The following TGFBR3 variants were observed in gnomAD, a reference collection of about 807,000 sequenced individuals.
TGFBR3 encodes transforming growth factor beta receptor type 3.
In TGFBR3, 46 loss-of-function variants were observed where a neutral mutation model predicts 87.9. The ratio of observed to expected loss-of-function variants is 0.52; its 90% CI spans 0.41 to 0.67. TGFBR3 has a LOEUF of 0.67. TGFBR3 is among the 30% of genes least tolerant of loss of function. The pLI is 0.00. For missense variants in TGFBR3, 866 were observed against 1,041.9 expected (o/e 0.83, Z 2.32); for synonymous variants, 381 against 391.6 (o/e 0.97, Z 0.32).
At chr1:91,765,701 T>C (rs1168968094) in intron 3 of TGFBR3, among the ~76,000 whole-genome samples, 3 of 152,200 alleles carry the variant, frequency 2.0e-5, no homozygotes, top group Non-Finnish European at 4.4e-5. Flanking sequence ...TAAAAAACCT[T>C]TGGAGCGTGT....
chr1:91,900,992 C>T (rs377239227), intron 1 of TGFBR3, among the ~76,000 whole-genome samples: 108 of 152,278 alleles, frequency 7.1e-4, no homozygotes, highest in African/African-American at 2.6e-3. Context: ...TCTGGAATAC[C>T]TGGGACTATA....
chr1:91,746,144 G>A (rs542526525), intron 4 of TGFBR3, among the ~76,000 whole-genome samples: 1 of 152,240 alleles, frequency 6.6e-6, no homozygotes, highest in South Asian at 2.1e-4. Context: ...CTGAGATGCT[G>A]CCCTCCAAAC....
intron 2 of TGFBR3, among the ~76,000 whole-genome samples, chr1:91,813,537 A>T (rs1391383991): frequency 1.3e-5 from 2 of 152,150 alleles, no homozygotes; most frequent in East Asian, 3.9e-4. Context: ...TTTCCACTCT[A>T]GTTTCTCAAT....
At chr1:91,826,604 G>A (rs1676648061) in intron 2 of TGFBR3, among the ~76,000 whole-genome samples, 3 of 152,146 alleles carry the variant, frequency 2.0e-5, no homozygotes, top group African/African-American at 7.2e-5. Context: ...GGAGCAAACC[G>A]ATGGCTCCTG....
chr1:91,736,222 G>A (rs980177953), intron 4 of TGFBR3, among the ~76,000 whole-genome samples: 4 of 151,732 alleles, frequency 2.6e-5, no homozygotes, highest in African/African-American at 7.3e-5. Flanking sequence ...CCTGATGCCC[G>A]GGCCACACAG....
chr1:91,860,310 A>C (rs1367299686), intron 2 of TGFBR3, among the ~76,000 whole-genome samples: 1 of 152,204 alleles, frequency 6.6e-6, no homozygotes, highest in Admixed American at 6.5e-5. Flanking sequence ...TGCCCACTCA[A>C]TAGATGATCA....
intron 1 of TGFBR3, among the ~76,000 whole-genome samples, chr1:91,872,937 C>T (rs555500124): frequency 6.7e-6 from 1 of 150,286 alleles, no homozygotes; most frequent in Admixed American, 6.6e-5. Context: ...TCTCCTTCCC[C>T]GAGATTGATG....
At chr1:91,903,338 C>CAAAAAAAAAAA (rs58672104) in intron 1 of TGFBR3, among the ~76,000 whole-genome samples, 14 of 50,506 alleles carry the variant, frequency 2.8e-4, no homozygotes, top group African/African-American at 4.1e-4. Context: ...GATTCTGCCT[C>CAAAAAAAAAAA]AAAAAAAAAA....
intron 3 of TGFBR3, among the ~76,000 whole-genome samples, chr1:91,762,084 T>C (rs1415068491): frequency 2.0e-5 from 3 of 152,148 alleles, no homozygotes; most frequent in Non-Finnish European, 2.9e-5. Context: ...TAATAAGGAA[T>C]TGAACACTGG....
intron 14 of TGFBR3, among the ~76,000 whole-genome samples, chr1:91,701,752 G>A (rs535809554): frequency 7.2e-5 from 11 of 152,094 alleles, no homozygotes; most frequent in Admixed American, 2.0e-4. Context: ...GAAACAAGAC[G>A]TCCAACTGGT....
rs58335918 is a variant in TGFBR3 at position 91,871,042 on chromosome 1, CA to C, written c.-113-9399del. ...ACAGAGTGGGACTCTGCTCTGTCAC[CA>C]AAAAAAAAAAAAAGATGCTAAGCAA... On this transcript the variant is annotated intron_variant, in intron 1 of 16. Coordinates refer to ENST00000212355, the MANE Select transcript of TGFBR3 (RefSeq NM_003243.5). Among the ~76,000 whole-genome samples the C allele has an allele frequency of 7.2e-3, 930 of 129,912 alleles. 3 individuals are homozygous for C. Among genetic ancestry groups the C allele is most frequent in the African/African-American group, 0.011 (391 of 35,524 alleles). 85.2% of individuals were successfully genotyped at this position (129,912 alleles called of 152,430 possible).
intron 1 of TGFBR3, among the ~76,000 whole-genome samples, chr1:91,876,784 C>T (rs936848560): frequency 6.6e-6 from 1 of 152,002 alleles, no homozygotes; most frequent in Admixed American, 6.6e-5. Context: ...GCCTTTAATC[C>T]TAAAATTATT....
intron 4 of TGFBR3, among the ~76,000 whole-genome samples, chr1:91,751,699 C>T (rs1271579141): frequency 6.6e-6 from 1 of 152,024 alleles, no homozygotes; most frequent in East Asian, 1.9e-4. Flanking sequence ...TCACCCATCC[C>T]TCCCCGCTTC....
chr1:91,848,394 A>G (rs1369488874), intron 2 of TGFBR3, among the ~76,000 whole-genome samples: 2 of 152,228 alleles, frequency 1.3e-5, no homozygotes, highest in Non-Finnish European at 2.9e-5. Flanking sequence ...TGCATATAAG[A>G]AAGCACTGGC....
Position 91,722,149 on chromosome 1 carries a change from A to C in TGFBR3, c.886-5T>G, listed in dbSNP as rs917772302. 6.2e-7 allele frequency: 1 copy of C among 1,613,240 alleles called. No homozygotes were observed. The highest frequency in any genetic ancestry group is 2.2e-5 in the East Asian group (1 of 44,804). On this transcript the variant is annotated splice_polypyrimidine_tract_variant and splice_region_variant and intron_variant, in intron 7 of 16. Transcript: ENST00000212355. ...AAAGCCAATACTGTTAGGAGCCTGA[A>C]GATATAGCAAAAAAATCACTCATGA...
chr1:91,769,622 G>A (rs1674303959), intron 3 of TGFBR3, among the ~76,000 whole-genome samples: 1 of 152,082 alleles, frequency 6.6e-6, no homozygotes, highest in Non-Finnish European at 1.5e-5. Flanking sequence ...GAAGGATAAG[G>A]GAGCTGTGTT....
At chr1:91,718,142 A>G (rs148430814) in intron 10 of TGFBR3, among the ~76,000 whole-genome samples, 271 of 152,296 alleles carry the variant, frequency 1.8e-3, no homozygotes, top group African/African-American at 6.4e-3. Flanking sequence ...GAGGTCAGGA[A>G]GTTGGATTCA....
In TGFBR3 at chr1:91,724,494, C is replaced by A. The variant is rs186468663; in HGVS notation, c.886-2350G>T. 3.0e-4 allele frequency among the ~76,000 whole-genome samples: 46 copies of A among 152,330 alleles called. No homozygotes were observed. In the East Asian group the frequency reaches 8.9e-3, roughly 29 times the overall value. ...TATTTCCAGAACACTATCATCATAA[C>A]TGCCACCTGTCCTTTTGCACCAATG... On this transcript the variant is annotated intron_variant, in intron 7 of 16. Coordinates refer to ENST00000212355, the MANE Select transcript of TGFBR3 (RefSeq NM_003243.5).
At chr1:91,708,563 GTT>G in intron 14 of TGFBR3, 98 bp downstream of exon 14, 1 of 1,588,158 alleles carries the variant, frequency 6.3e-7, no homozygotes, top group Non-Finnish European at 8.6e-7. Context: ...TGGCCCTTTA[GTT>G]ATCTTGTGAA....
Sources: gnomAD v4.1 joint callset for allele counts (sites outside exome capture counted in the v4.1 genomes callset) on GRCh38, gnomAD v4.1.1 for gene constraint, MANE v1.5 for transcripts, NCBI Gene and HGNC (gene_info 2026-07-23, HGNC 2026-07-21) for gene names.